Variants in REC114 observed in about 807,000 individuals in gnomAD.
The protein encoded by REC114 is meiotic recombination protein REC114.
A neutral mutation model predicts 31.3 loss-of-function variants in REC114; 27 were observed. That is an observed-to-expected ratio of 0.86 (90% CI 0.64 to 1.19). The LOEUF is 1.19. Among genes scored for constraint, REC114 ranks in the 50% most tolerant of loss-of-function variants. The probability of loss-of-function intolerance (pLI) is 0.00; values close to 1 mark genes in which losing one functional copy is unlikely to be tolerated. For missense variants in REC114, 344 were observed against 326.9 expected (o/e 1.05, Z -0.40); for synonymous variants, 134 against 127.7 (o/e 1.05, Z -0.33).
intron 2 of REC114, among the ~76,000 whole-genome samples, chr15:73,506,040 C>CT (rs1253983020): frequency 6.6e-6 from 1 of 151,798 alleles, no homozygotes; most frequent in Non-Finnish European, 1.5e-5. Context: ...ATGCCCCCTG[C>CT]TTTTTTTTCC....
At chr15:73,476,233 T>C (rs1205946199) in intron 2 of REC114, among the ~76,000 whole-genome samples, 1 of 152,224 alleles carries the variant, frequency 6.6e-6, no homozygotes, top group African/African-American at 2.4e-5. Context: ...TAAAATTATT[T>C]TTAAAAATCA....
intron 3 of REC114, among the ~76,000 whole-genome samples, chr15:73,547,068 C>A (rs1894319108): frequency 6.6e-6 from 1 of 152,024 alleles, no homozygotes; most frequent in African/African-American, 2.4e-5. Context: ...CAAAGGGGAT[C>A]ACTTTAAGTT....
chr15:73,550,695 C>G (rs1238317233), intron 3 of REC114, among the ~76,000 whole-genome samples: 1 of 152,126 alleles, frequency 6.6e-6, no homozygotes, highest in African/African-American at 2.4e-5. Context: ...ATGATATGAG[C>G]TTTTCCACTG....
intron 1 of REC114, among the ~76,000 whole-genome samples, chr15:73,459,178 C>T (rs1892955682): frequency 6.6e-6 from 1 of 151,886 alleles, no homozygotes; most frequent in African/African-American, 2.4e-5. Context: ...GGTAGTATTA[C>T]AATTTTTATT....
chr15:73,541,015 C>A (rs928036021), intron 3 of REC114, among the ~76,000 whole-genome samples: 33 of 152,176 alleles, frequency 2.2e-4, no homozygotes, highest in Admixed American at 1.9e-3. Context: ...AAGAAACAGT[C>A]ATATTAATCA....
chr15:73,468,918 A>G (rs1893097776), intron 1 of REC114, among the ~76,000 whole-genome samples: 1 of 152,046 alleles, frequency 6.6e-6, no homozygotes, highest in African/African-American at 2.4e-5. Flanking sequence ...ATGAGTAAAT[A>G]AGAATATTTG....
At chr15:73,487,652 C>T (rs1243733816) in intron 2 of REC114, among the ~76,000 whole-genome samples, 1 of 152,250 alleles carries the variant, frequency 6.6e-6, no homozygotes, top group Non-Finnish European at 1.5e-5. Context: ...GCACGGCCCA[C>T]ACAGCAGTTC....
chr15:73,515,364 A>G (rs139894247), intron 2 of REC114, among the ~76,000 whole-genome samples: 43 of 152,374 alleles, frequency 2.8e-4, no homozygotes, highest in Admixed American at 8.5e-4. Context: ...AAATGTTTAC[A>G]TATTCCAGCA....
At chr15:73,516,784 T>C (rs1156928991) in intron 2 of REC114, among the ~76,000 whole-genome samples, 2 of 152,176 alleles carry the variant, frequency 1.3e-5, no homozygotes, top group African/African-American at 2.4e-5. Context: ...CCTGCCACCA[T>C]GCCAGGCCTA....
chr15:73,541,463 C>A (rs1237898888), intron 3 of REC114, among the ~76,000 whole-genome samples: 1 of 151,992 alleles, frequency 6.6e-6, no homozygotes, highest in Admixed American at 6.6e-5. Context: ...AATAAAGAAG[C>A]ATATATATTA....
chr15:73,462,521 A>C (rs1276432434), intron 1 of REC114, among the ~76,000 whole-genome samples: 1 of 152,194 alleles, frequency 6.6e-6, no homozygotes, highest in Non-Finnish European at 1.5e-5. Context: ...TGTATTCTAA[A>C]GCATTTCAAA....
intron 1 of REC114, among the ~76,000 whole-genome samples, chr15:73,465,507 C>T (rs1893045061): frequency 6.6e-6 from 1 of 152,166 alleles, no homozygotes; most frequent in African/African-American, 2.4e-5. Context: ...ATTGTAACAT[C>T]TGTGTCCTGT....
chr15:73,558,481 C>T (rs970163070), intron 5 of REC114, among the ~76,000 whole-genome samples: 1 of 152,160 alleles, frequency 6.6e-6, no homozygotes, highest in Admixed American at 6.5e-5. Flanking sequence ...ACGTTGACAA[C>T]TTATTCAACT....
At chr15:73,519,455 A>T (rs1193302996) in intron 2 of REC114, among the ~76,000 whole-genome samples, 2 of 152,246 alleles carry the variant, frequency 1.3e-5, no homozygotes, top group Non-Finnish European at 2.9e-5. Context: ...TGACACTTTT[A>T]TTATAGCAGC....
chr15:73,514,414 C>A (rs538069211), intron 2 of REC114, among the ~76,000 whole-genome samples: 135 of 152,212 alleles, frequency 8.9e-4, no homozygotes, highest in Middle Eastern at 6.8e-3. Flanking sequence ...CTGCGTCGCT[C>A]ACGCTGGGAG....
At chr15:73,513,780 C>A (rs1276908256) in intron 2 of REC114, among the ~76,000 whole-genome samples, 1 of 151,398 alleles carries the variant, frequency 6.6e-6, no homozygotes. Context: ...CAGGGACCCA[C>A]TTGAGGAGGC....
intron 2 of REC114, among the ~76,000 whole-genome samples, chr15:73,502,150 G>T (rs1183081472): frequency 7.3e-5 from 2 of 27,396 alleles, no homozygotes; most frequent in Non-Finnish European, 1.0e-4. Flanking sequence ...GCAAGACCTT[G>T]TCTCTTAAAA....
At chr15:73,556,466 A>T in intron 5 of REC114, 75 bp downstream of exon 5, 1 of 1,298,522 alleles carries the variant, frequency 7.7e-7, no homozygotes, top group Non-Finnish European at 1.1e-6. Context: ...CCCTTTGTTC[A>T]ATTCTTTGTT....
chr15:73,478,311 G>A (rs1038230874), intron 2 of REC114, among the ~76,000 whole-genome samples: 14 of 148,400 alleles, frequency 9.4e-5, no homozygotes, highest in East Asian at 7.8e-4. Context: ...TTTTTTGCAC[G>A]TGGATATCGA....
Sources: gnomAD v4.1 joint callset for allele counts (sites outside exome capture counted in the v4.1 genomes callset) on GRCh38, gnomAD v4.1.1 for gene constraint, MANE v1.5 for transcripts, NCBI Gene and HGNC (gene_info 2026-07-23, HGNC 2026-07-21) for gene names.